The following FAM13A variants were observed in gnomAD, a reference collection of about 807,000 sequenced individuals.
The protein encoded by FAM13A is family with sequence similarity 13 member A, also known as protein FAM13A.
In FAM13A, 76 loss-of-function variants were observed where a neutral mutation model predicts 129.6. The ratio of observed to expected loss-of-function variants is 0.59; its 90% CI spans 0.49 to 0.71. The LOEUF (loss-of-function observed/expected upper bound fraction) is 0.71. Ranked by LOEUF, FAM13A falls within the 30% of genes least tolerant of loss-of-function variation. The probability of loss-of-function intolerance (pLI) is 0.00; values close to 1 mark genes in which losing one functional copy is unlikely to be tolerated. For synonymous variants in FAM13A, 443 were observed against 449.9 expected, an observed-to-expected ratio of 0.98 and a Z score of 0.20; for missense variants, 1,108 against 1,249.3, an observed-to-expected ratio of 0.89 and a Z score of 1.70.
At chr4:88,875,676 C>T (rs1210528324) in intron 6 of FAM13A, among the ~76,000 whole-genome samples, 1 of 152,164 alleles carries the variant, frequency 6.6e-6, no homozygotes, top group Non-Finnish European at 1.5e-5. Flanking sequence ...AATAGGAACA[C>T]TTTTACACTG....
At chr4:88,849,579 A>AT (rs994947240) in intron 7 of FAM13A, among the ~76,000 whole-genome samples, 1 of 152,192 alleles carries the variant, frequency 6.6e-6, no homozygotes, top group Admixed American at 6.5e-5. Context: ...GCATCAGTCT[A>AT]TTAAACTGTT....
chr4:89,056,978 G>A lies in FAM13A; in HGVS notation c.-14C>T, dbSNP rs762451646. 5.6e-6 allele frequency: 9 copies of A among 1,612,298 alleles called. No homozygotes were observed. The highest frequency in any genetic ancestry group is 2.2e-5 in the South Asian group (2 of 91,032). On this transcript the variant is annotated 5_prime_UTR_variant, in exon 1 of 24. In the 5' UTR this introduces an upstream ATG that the reference lacks. Transcript: ENST00000264344. ...TCCTGCCCCCATTCTCTCAGAAAGC[G>A]TCTGGAAGAACTGAGGAAGACCAGA...
At chr4:88,791,956 A>T (rs1725264606) in intron 8 of FAM13A, among the ~76,000 whole-genome samples, 1 of 152,106 alleles carries the variant, frequency 6.6e-6, no homozygotes, top group Non-Finnish European at 1.5e-5. Context: ...TTCGCCCAAG[A>T]TAATTTTCTT....
At chr4:88,890,721 C>A (rs1014422208) in intron 6 of FAM13A, among the ~76,000 whole-genome samples, 1 of 152,042 alleles carries the variant, frequency 6.6e-6, no homozygotes, top group African/African-American at 2.4e-5. Flanking sequence ...AAAGCTGGTT[C>A]TCTGAAAGTA....
At chr4:88,852,484 T>C (rs1319691874) in intron 6 of FAM13A, among the ~76,000 whole-genome samples, 1 of 152,186 alleles carries the variant, frequency 6.6e-6, no homozygotes, top group Non-Finnish European at 1.5e-5. Flanking sequence ...CTTAATGACC[T>C]TTCCCAATTC....
At chr4:88,917,978 G>A (rs1163665687) in intron 5 of FAM13A, among the ~76,000 whole-genome samples, 1 of 152,148 alleles carries the variant, frequency 6.6e-6, no homozygotes, top group Non-Finnish European at 1.5e-5. Context: ...TCTCCCAGTG[G>A]CAGTCTGTTG....
intron 8 of FAM13A, among the ~76,000 whole-genome samples, chr4:88,801,921 G>A (rs1426935932): frequency 2.0e-5 from 3 of 151,890 alleles, no homozygotes; most frequent in Non-Finnish European, 2.9e-5. Context: ...TCCGAACTCA[G>A]GCTTGCAGAC....
chr4:88,739,626 A>C (rs1202115861), intron 19 of FAM13A, among the ~76,000 whole-genome samples: 1 of 150,636 alleles, frequency 6.6e-6, no homozygotes, highest in Non-Finnish European at 1.5e-5. Flanking sequence ...AAATACAAAA[A>C]AAAAAAAAAA....
intron 7 of FAM13A, among the ~76,000 whole-genome samples, chr4:88,809,789 G>A (rs951359089): frequency 1.3e-5 from 2 of 151,438 alleles, no homozygotes; most frequent in African/African-American, 2.4e-5. Context: ...GGGGAGGTAC[G>A]TGGCAGCCAC....
At chr4:88,996,200 C>G (rs1763516855) in intron 3 of FAM13A, among the ~76,000 whole-genome samples, 1 of 152,194 alleles carries the variant, frequency 6.6e-6, no homozygotes, top group Non-Finnish European at 1.5e-5. Context: ...CTGATTAAAT[C>G]TGACTAAAAG....
chr4:88,818,912 G>A (rs1239236876), intron 7 of FAM13A, among the ~76,000 whole-genome samples: 1 of 152,170 alleles, frequency 6.6e-6, no homozygotes, highest in Non-Finnish European at 1.5e-5. Context: ...GTTCTTCCCT[G>A]GTGAACTCCC....
At chr4:88,965,552 T>C (rs192636159) in intron 4 of FAM13A, among the ~76,000 whole-genome samples, 11 of 146,710 alleles carry the variant, frequency 7.5e-5, no homozygotes, top group Admixed American at 6.8e-4. Flanking sequence ...AAAACTATCT[T>C]ATATGTAGTT....
chr4:89,036,156 A>G (rs1708659), intron 1 of FAM13A, among the ~76,000 whole-genome samples: 15,940 of 152,248 alleles, frequency 0.1, 907 homozygotes, highest in African/African-American at 0.14. Flanking sequence ...AACTTTCTAG[A>G]AACTTGTTGA....
intron 3 of FAM13A, among the ~76,000 whole-genome samples, chr4:89,018,631 C>T (rs1766844627): frequency 6.6e-6 from 1 of 152,128 alleles, no homozygotes; most frequent in African/African-American, 2.4e-5. Context: ...CATCAACAGG[C>T]CACAAAGATA....
At chr4:88,807,148 A>G (rs1728717672) in intron 7 of FAM13A, among the ~76,000 whole-genome samples, 2 of 152,292 alleles carry the variant, frequency 1.3e-5, no homozygotes, top group Non-Finnish European at 2.9e-5. Flanking sequence ...TTACTGTAAC[A>G]TTCTTTGATG....
At chr4:89,048,751 C>G (rs1422835304) in intron 1 of FAM13A, among the ~76,000 whole-genome samples, 1 of 152,008 alleles carries the variant, frequency 6.6e-6, no homozygotes, top group Non-Finnish European at 1.5e-5. Flanking sequence ...TTCAATAATT[C>G]TAGATGAAAT....
At chr4:88,763,277 G>GTTCATTCA (rs3067663) in intron 13 of FAM13A, among the ~76,000 whole-genome samples, 1,723 of 150,842 alleles carry the variant, frequency 0.011, 29 homozygotes, top group African/African-American at 0.04. Flanking sequence ...TTTCCCATTC[G>GTTCATTCA]TTCATTCATT....
At chr4:89,004,869 G>C (rs2149065799) in intron 3 of FAM13A, among the ~76,000 whole-genome samples, 1 of 152,180 alleles carries the variant, frequency 6.6e-6, no homozygotes, top group Middle Eastern at 3.4e-3. Flanking sequence ...TAAAATCTCT[G>C]AAAGTTGATC....
chr4:88,931,212 T>C (rs1252170715), intron 5 of FAM13A, among the ~76,000 whole-genome samples: 2 of 152,030 alleles, frequency 1.3e-5, no homozygotes, highest in African/African-American at 4.8e-5. Flanking sequence ...GCAGCAGCTG[T>C]GTCTGTAGAT....
Sources: allele counts gnomAD v4.1 joint callset (sites outside exome capture counted in the v4.1 genomes callset), GRCh38; gene constraint gnomAD v4.1.1; transcripts MANE v1.5; gene names NCBI Gene and HGNC (gene_info 2026-07-23, HGNC 2026-07-21).